The following OR4Q3 variants were observed in gnomAD, a reference collection of about 807,000 sequenced individuals.
OR4Q3 encodes the protein olfactory receptor 4Q3.
Under a neutral mutation model 18.8 loss-of-function variants are expected in OR4Q3, and 17 were observed. The ratio of observed to expected loss-of-function variants is 0.91; its 90% CI spans 0.62 to 1.36. The LOEUF (loss-of-function observed/expected upper bound fraction) is 1.36, where lower values mean the gene tolerates loss of function less well. Ranked by LOEUF, OR4Q3 falls within the 40% of genes most tolerant of loss-of-function variation. OR4Q3 has a pLI of 0.00. For synonymous variants in OR4Q3, 158 were observed against 145.8 expected, an observed-to-expected ratio of 1.08 and a Z score of -0.60; for missense variants, 378 against 373.4, an observed-to-expected ratio of 1.01 and a Z score of -0.10.
exon 2 of OR4Q3, chr14:19,748,066 G>A: frequency 1.9e-6 from 3 of 1,614,002 alleles, no homozygotes; most frequent in Non-Finnish European, 2.5e-6. Flanking sequence ...TCTGCTTCTT[G>A]GTCTTACTAT....
intron 1 of OR4Q3, among the ~76,000 whole-genome samples, chr14:19,746,751 A>T: frequency 2.0e-5 from 3 of 152,344 alleles, no homozygotes; most frequent in African/African-American, 7.2e-5. Context: ...TAATATATTT[A>T]TTCATAGTAA....
At chr14:19,749,862 CT>C, downstream of OR4Q3, among the ~76,000 whole-genome samples, 11,749 of 41,204 alleles carry the variant, frequency 0.29, 61 homozygotes, top group Middle Eastern at 0.39. Flanking sequence ...TTCTTTCTTT[CT>C]TTCTTTCTTT....
exon 2 of OR4Q3, chr14:19,748,806 G>A: frequency 1.2e-5 from 2 of 168,696 alleles, no homozygotes; most frequent in Non-Finnish European, 2.6e-5. Flanking sequence ...ATCCTTTTCT[G>A]AAGTAGTGTG....
intron 1 of OR4Q3, 32 bp from the exon 2 acceptor site, chr14:19,747,374 A>T: frequency 8.3e-7 from 1 of 1,206,474 alleles, no homozygotes; most frequent in Non-Finnish European, 1.2e-6. Flanking sequence ...TCTACCTTAA[A>T]TCTCCCTTGT....
intron 1 of OR4Q3, among the ~76,000 whole-genome samples, chr14:19,746,835 C>T: frequency 6.6e-6 from 1 of 152,208 alleles, no homozygotes; most frequent in African/African-American, 2.4e-5. Context: ...AATTATTGAG[C>T]TTCTGCTATG....
chr14:19,750,519 G>A, downstream of OR4Q3, among the ~76,000 whole-genome samples: 1 of 152,126 alleles, frequency 6.6e-6, no homozygotes, highest in Non-Finnish European at 1.5e-5. Context: ...CCATAGAGAG[G>A]CTTTTATGAT....
chr14:19,749,681 C>T, downstream of OR4Q3, among the ~76,000 whole-genome samples: 2 of 144,008 alleles, frequency 1.4e-5, no homozygotes, highest in South Asian at 4.4e-4. Flanking sequence ...TTTATTTCTC[C>T]TCAGAAAGAG....
intron 1 of OR4Q3, 70 bp from the exon 2 acceptor site, chr14:19,747,336 C>CTA: frequency 2.0e-5 from 15 of 759,102 alleles, no homozygotes; most frequent in Non-Finnish European, 2.6e-5. Context: ...ATATTATATA[C>CTA]TATATGTATA....
chr14:19,750,984 T>C, downstream of OR4Q3, among the ~76,000 whole-genome samples: 24 of 152,208 alleles, frequency 1.6e-4, no homozygotes, highest in Admixed American at 3.9e-4. Context: ...CAGAAAGATT[T>C]GAGTGGTGCT....
chr14:19,746,005 C>T, intron 1 of OR4Q3, among the ~76,000 whole-genome samples: 1 of 152,006 alleles, frequency 6.6e-6, no homozygotes, highest in East Asian at 1.9e-4. Flanking sequence ...CTCTCACTGG[C>T]TTATCTTGGA....
At chr14:19,750,236 C>T, downstream of OR4Q3, among the ~76,000 whole-genome samples, 1 of 152,192 alleles carries the variant, frequency 6.6e-6, no homozygotes, top group Non-Finnish European at 1.5e-5. Flanking sequence ...CTGCCTGCCT[C>T]AGCCTCTCAA....
downstream of OR4Q3, among the ~76,000 whole-genome samples, chr14:19,749,640 C>CAAAAAT: frequency 9.3e-6 from 1 of 107,558 alleles, no homozygotes; most frequent in Non-Finnish European, 1.7e-5. Context: ...AAAAAGAAAG[C>CAAAAAT]AAGCTAATAA....
downstream of OR4Q3, among the ~76,000 whole-genome samples, chr14:19,751,761 C>T: frequency 1.5e-3 from 197 of 131,998 alleles, no homozygotes; most frequent in Non-Finnish European, 2.6e-3. Flanking sequence ...TTTGACTGTA[C>T]TCATTTGGAT....
chr14:19,751,778 T>TA, downstream of OR4Q3, among the ~76,000 whole-genome samples: 6 of 152,178 alleles, frequency 3.9e-5, no homozygotes, highest in Admixed American at 1.3e-4. Context: ...GGATCTTTTT[T>TA]TTTATTTTTT....
At chr14:19,747,199 C>T in intron 1 of OR4Q3, among the ~76,000 whole-genome samples, 66 of 152,108 alleles carry the variant, frequency 4.3e-4, no homozygotes, top group African/African-American at 1.5e-3. Context: ...ATTGTGAATG[C>T]AATTTAAAAG....
chr14:19,745,994 T>C, intron 1 of OR4Q3, among the ~76,000 whole-genome samples: 1 of 152,132 alleles, frequency 6.6e-6, no homozygotes, highest in Admixed American at 6.6e-5. Flanking sequence ...CCCAAATCTC[T>C]CTCTCACTGG....
At chr14:19,744,617 A>AT (rs1300893631) in intron 1 of OR4Q3, among the ~76,000 whole-genome samples, 3 of 152,044 alleles carry the variant, frequency 2.0e-5, no homozygotes, top group East Asian at 3.8e-4. Flanking sequence ...AGCATTCTCA[A>AT]TTTTTTTGGC....
intron 1 of OR4Q3, among the ~76,000 whole-genome samples, chr14:19,744,525 T>C (rs1370664972): frequency 6.6e-6 from 1 of 152,190 alleles, no homozygotes; most frequent in Non-Finnish European, 1.5e-5. Context: ...TGTACACAAG[T>C]AGCCTTTGAT....
chr14:19,743,939 C>T (rs1224985821), intron 1 of OR4Q3, among the ~76,000 whole-genome samples: 4 of 152,150 alleles, frequency 2.6e-5, no homozygotes, highest in Non-Finnish European at 4.4e-5. Flanking sequence ...AAGATAGGCC[C>T]AAATTCACAT....
Sources: gnomAD v4.1 joint callset for allele counts (sites outside exome capture counted in the v4.1 genomes callset) on GRCh38, gnomAD v4.1.1 for gene constraint, MANE v1.5 for transcripts, NCBI Gene and HGNC (gene_info 2026-07-23, HGNC 2026-07-21) for gene names.